Variants in MGRN1 observed in about 807,000 individuals in gnomAD.
MGRN1 encodes the protein mahogunin ring finger 1, also known as E3 ubiquitin-protein ligase MGRN1.
Under a neutral mutation model 69.2 loss-of-function variants are expected in MGRN1, and 29 were observed. The observed-to-expected ratio is 0.42, with a 90% CI of 0.31 to 0.57. MGRN1 has a LOEUF of 0.57. Among genes scored for constraint, MGRN1 ranks in the 20% least tolerant of loss-of-function variants. The pLI is 0.15. For missense variants in MGRN1, 998 were observed against 796.2 expected (o/e 1.25, Z -3.05); for synonymous variants, 470 against 344.2 (o/e 1.37, Z -4.04).
intron 5 of MGRN1, among the ~76,000 whole-genome samples, chr16:4,660,421 A>C (rs1383897959): frequency 6.6e-6 from 1 of 152,244 alleles, no homozygotes; most frequent in Non-Finnish European, 1.5e-5. Context: ...ACGCCTCCCC[A>C]GACCGTTGGT....
chr16:4,654,688 T>TG (rs2078490502), intron 4 of MGRN1, among the ~76,000 whole-genome samples: 1 of 152,046 alleles, frequency 6.6e-6, no homozygotes, highest in Admixed American at 6.6e-5. Flanking sequence ...TTCGGGTGGG[T>TG]GGTGTGAGGA....
intron 14 of MGRN1, 95 bp downstream of exon 14, chr16:4,683,041 G>C: frequency 6.8e-7 from 1 of 1,475,754 alleles, no homozygotes; most frequent in Non-Finnish European, 9.0e-7. Flanking sequence ...CTGCCCGCCT[G>C]GGCGCCCCCG....
In MGRN1 at chr16:4,689,206, C is replaced by A; in HGVS notation, c.*298C>A. On this transcript the variant is annotated 3_prime_UTR_variant, in exon 17 of 17. Transcript: ENST00000262370. Reference sequence around the variant, plus strand: ...GCTGAGCGGCTGGGGCTGGGGCTGCCCACGTGTGGCCTCCGCTGGCTCTGC... The same window carrying A: ...GCTGAGCGGCTGGGGCTGGGGCTGCACACGTGTGGCCTCCGCTGGCTCTGC... 1 of 344,900 alleles carries A rather than the reference C, an allele frequency of 2.9e-6. No individual in the cohort carries two copies. Among genetic ancestry groups the A allele is most frequent in the Non-Finnish European group, 5.3e-6 (1 of 190,256 alleles). The allele number at this position is 344,900 out of a possible 1,614,324, so 21.4% of individuals were successfully genotyped here.
chr16:4,663,391 T>TTTTTTTTTTTTTTTA (rs150893432), intron 5 of MGRN1, among the ~76,000 whole-genome samples: 2 of 123,176 alleles, frequency 1.6e-5, no homozygotes, highest in East Asian at 2.6e-4. Flanking sequence ...TTTTTTTTTT[T>TTTTTTTTTTTTTTTA]ACACCTTTAT....
intron 7 of MGRN1, among the ~76,000 whole-genome samples, chr16:4,665,957 G>A (rs2078794523): frequency 6.6e-6 from 1 of 151,752 alleles, no homozygotes; most frequent in Admixed American, 6.6e-5. Context: ...AGCCTCCCAA[G>A]CAGCTGGTAC....
chr16:4,687,528 ACACC>A (rs2079356234), intron 16 of MGRN1: 5 of 972,276 alleles, frequency 5.1e-6, no homozygotes, highest in African/African-American at 2.0e-5. Flanking sequence ...AAATACACAC[ACACC>A]CACCCACCCA....
At chr16:4,686,915 C>T in intron 16 of MGRN1, 1 of 985,524 alleles carries the variant, frequency 1.0e-6, no homozygotes, top group Non-Finnish European at 1.2e-6. Flanking sequence ...CAGTCCCTGT[C>T]TCTTGGAGGG....
chr16:4,660,847 C>T (rs1265013109), intron 5 of MGRN1, among the ~76,000 whole-genome samples: 1 of 152,226 alleles, frequency 6.6e-6, no homozygotes, highest in African/African-American at 2.4e-5. Context: ...TGACAGGCCC[C>T]CCAGACCGGG....
At chr16:4,652,648 C>G (rs114318849) in intron 3 of MGRN1, 30 bp from the exon 4 acceptor site, 11 of 1,589,278 alleles carry the variant, frequency 6.9e-6, no homozygotes, top group Admixed American at 1.7e-5. Context: ...GCCGCTGACC[C>G]GCTGCCTTTC....
chr16:4,679,135 G>A (rs1181475204), intron 11 of MGRN1, among the ~76,000 whole-genome samples: 2 of 152,222 alleles, frequency 1.3e-5, no homozygotes, highest in Non-Finnish European at 2.9e-5. Context: ...ATTCGGAAAC[G>A]CTGCGTGTGC....
rs941508671 is a variant in MGRN1 at position 4,688,147 on chromosome 16, C to G, written c.1619-649C>G. The G allele has an allele frequency of 6.1e-6, 6 of 985,438 alleles. No individual in the cohort carries two copies. In the African/African-American group the frequency reaches 8.7e-5, roughly 14 times the overall value. The allele number at this position is 985,438 out of a possible 1,614,324, so 61.0% of individuals were successfully genotyped here. ...GCCGTGTCTGCTGGGAGCCATGTGT[C>G]AGGGCTGGTGGCTGGGTGTCAGGCA... On this transcript the variant is annotated intron_variant, in intron 16 of 16. Coordinates refer to ENST00000262370, the MANE Select transcript of MGRN1 (RefSeq NM_015246.4).
rs751336350 is a variant in MGRN1, at chr16:4,665,092, T to C, written c.629-10T>C. On this transcript the variant is annotated splice_polypyrimidine_tract_variant and intron_variant, in intron 6 of 16. Coordinates refer to ENST00000262370, the MANE Select transcript of MGRN1 (RefSeq NM_015246.4). The stretch of plus-strand genomic sequence containing the variant: ...CGACTCTGACTACTCTGCCCCTCTC[T>C]CCCCAGCAGTGGTGGAAGTGACTGG... 13 of 1,614,030 alleles carry C rather than the reference T, an allele frequency of 8.1e-6. No individual in the cohort carries two copies. Among genetic ancestry groups the C allele is most frequent in the Non-Finnish European group, 9.3e-6 (11 of 1,180,018 alleles).
At chr16:4,673,700 T>G in intron 10 of MGRN1, 43 bp downstream of exon 10, 2 of 1,604,382 alleles carry the variant, frequency 1.2e-6, no homozygotes, top group East Asian at 2.2e-5. Flanking sequence ...TTCTGGAAAT[T>G]AGGGACTGGC....
chr16:4,664,551 C>A, intron 5 of MGRN1, 158 bp from the exon 6 acceptor site: 2 of 698,308 alleles, frequency 2.9e-6, no homozygotes, highest in South Asian at 3.5e-5. Flanking sequence ...AGGTGCCAAG[C>A]CTGGCATCCG....
intron 11 of MGRN1, 144 bp downstream of exon 11, chr16:4,677,716 G>T: frequency 1.3e-6 from 1 of 775,568 alleles, no homozygotes; most frequent in Non-Finnish European, 2.0e-6. Context: ...TGGCTGTGAG[G>T]CATGAAGGGG....
intron 9 of MGRN1, among the ~76,000 whole-genome samples, chr16:4,672,765 C>T (rs976762268): frequency 2.6e-5 from 4 of 152,190 alleles, no homozygotes; most frequent in Non-Finnish European, 5.9e-5. Flanking sequence ...TTCTTTTTGT[C>T]CAGTTGCTAA....
intron 16 of MGRN1, among the ~76,000 whole-genome samples, chr16:4,685,294 G>C (rs1302269871): frequency 6.6e-6 from 1 of 152,256 alleles, no homozygotes; most frequent in Non-Finnish European, 1.5e-5. Flanking sequence ...CCCTGTGGGG[G>C]AGCATCTCAG....
intron 1 of MGRN1, among the ~76,000 whole-genome samples, chr16:4,627,638 AT>A: frequency 6.8e-6 from 1 of 148,066 alleles, no homozygotes; most frequent in Admixed American, 6.7e-5. Flanking sequence ...ATACAAAAAA[AT>A]TTAGCCGGGC....
At position 4,677,546 on chromosome 16, in the gene MGRN1, C is replaced by T; in HGVS notation, c.1039C>T (p.Gln347Ter). Reference protein sequence around the residue: ...SPVSFSPVLAQSLEHDEHSCP... With the variant: ...SPVSFSPVLA ...CGTGTCCTTCAGCCCCGTCCTGGCC[C>T]AGAGCCTGGAGCATGATGAGCACTC... The change falls in exon 11 of 17, where the codon CAG (glutamine) becomes TAG (stop). Residue 347 changes from glutamine to a stop codon, truncating the protein, a stop_gained. Transcript: ENST00000262370. LOFTEE classifies it high-confidence loss of function. The T allele has an allele frequency of 6.2e-7, 1 of 1,600,062 alleles. No individual in the cohort carries two copies. The highest frequency in any genetic ancestry group is 8.5e-7 in the Non-Finnish European group (1 of 1,179,530).
Sources: gnomAD v4.1 joint callset for allele counts (sites outside exome capture counted in the v4.1 genomes callset) on GRCh38, gnomAD v4.1.1 for gene constraint, MANE v1.5 for transcripts, NCBI Gene and HGNC (gene_info 2026-07-23, HGNC 2026-07-21) for gene names.